The following SRMS variants were observed in gnomAD, a reference collection of about 807,000 sequenced individuals.
The protein encoded by SRMS is tyrosine-protein kinase Srms.
In SRMS, 42 loss-of-function variants were observed where a neutral mutation model predicts 43.5. The ratio of observed to expected loss-of-function variants is 0.97; its 90% CI spans 0.75 to 1.25. SRMS has a LOEUF of 1.25. Among genes scored for constraint, SRMS ranks in the 50% most tolerant of loss-of-function variants. The pLI, the probability that SRMS is intolerant of heterozygous loss-of-function variation, is 0.00. For synonymous variants in SRMS, 316 were observed against 308.2 expected, an observed-to-expected ratio of 1.03 and a Z score of -0.27; for missense variants, 703 against 681.0, an observed-to-expected ratio of 1.03 and a Z score of -0.36.
Position 63,539,289 on chromosome 20 carries a change from C to T in SRMS, c.*1529G>A, listed in dbSNP as rs536662206. The stretch of plus-strand genomic sequence containing the variant: ...CCGATGCACGGGCCCCAGGAAGCCC[C>T]CGCGCTGCCTCCGTTCTCGGAGCCT... On this transcript the variant is annotated 3_prime_UTR_variant, in exon 8 of 8. Coordinates refer to ENST00000217188, the MANE Select transcript of SRMS (RefSeq NM_080823.4). Among the ~76,000 whole-genome samples, 150 of 152,332 alleles carry T rather than the reference C, an allele frequency of 9.8e-4. No individual in the cohort carries two copies. Among genetic ancestry groups the T allele is most frequent in the African/African-American group, 3.3e-3 (139 of 41,574 alleles).
Position 63,542,554 on chromosome 20 carries a change from G to A in SRMS, c.673C>T (p.Arg225Trp), listed in dbSNP as rs142975228. ...CCAAGGGCGAATTCGGAGTGTGGCCGCTCCCACACGTCCTGCCTCGGGGCC... is the reference window on the plus strand; with the variant it reads ...CCAAGGGCGAATTCGGAGTGTGGCCACTCCCACACGTCCTGCCTCGGGGCC... ...QKAPRQDVWE[R>W]PHSEFALGRK... The change falls in exon 4 of 8, where the codon CGG becomes TGG. Residue 225 changes from arginine (R) to tryptophan (W), a missense_variant. Arg to Trp is a moderately radical substitution (Grantham distance 101). Transcript: ENST00000217188. 9.3e-6 allele frequency: 15 copies of A among 1,612,130 alleles called. No individual in the cohort carries two copies. Among genetic ancestry groups the A allele is most frequent in the Admixed American group, 5.0e-5 (3 of 59,966 alleles).
Position 63,547,259 on chromosome 20 carries a change from C to T in SRMS, c.205G>A (p.Glu69Lys). ...CTGTCCCCGCGGCGGACACTCAGCTCCCCGCCACACCGCGCCGTGAAGTCA... is the reference window on the plus strand; with the variant it reads ...CTGTCCCCGCGGCGGACACTCAGCTTCCCGCCACACCGCGCCGTGAAGTCA... ...LYDFTARCGGELSVRRGDRLC... is the reference protein window; with the variant it reads ...LYDFTARCGGKLSVRRGDRLC... The change falls in exon 1 of 8, where the codon GAG (glutamate) becomes AAG (lysine). Residue 69 changes from glutamate (E) to lysine (K), a missense_variant. Physicochemically the swap from Glu to Lys is moderately conservative, Grantham distance 56. Coordinates refer to ENST00000217188, the MANE Select transcript of SRMS (RefSeq NM_080823.4). The T allele has an allele frequency of 6.2e-7, 1 of 1,610,534 alleles. No homozygotes were observed. Among genetic ancestry groups the T allele is most frequent in the Non-Finnish European group, 8.5e-7 (1 of 1,178,556 alleles).
At chr20:63,541,111 C>T in intron 7 of SRMS, 80 bp downstream of exon 7, 1 of 1,563,308 alleles carries the variant, frequency 6.4e-7, no homozygotes, top group African/African-American at 1.4e-5. Flanking sequence ...CCTCCAACCC[C>T]TTGCCGACAG....
chr20:63,540,749 C>G lies in SRMS; in HGVS notation c.*69G>C. On this transcript the variant is annotated 3_prime_UTR_variant, in exon 8 of 8. Coordinates refer to ENST00000217188, the MANE Select transcript of SRMS (RefSeq NM_080823.4). ...TCGGTCCGGCAGACCGGCATCCCTT[C>G]GAGTTGGCGCTCTGCAGGGAGGAGG... 2.0e-6 allele frequency: 3 copies of G among 1,504,544 alleles called. No individual in the cohort carries two copies. The highest frequency in any genetic ancestry group is 2.6e-5 in the South Asian group (2 of 77,120). 93.2% of individuals were successfully genotyped at this position (1,504,544 alleles called of 1,614,324 possible).
rs2082738564 is a variant in SRMS, at chr20:63,547,300, A to C, written c.164T>G (p.Leu55Arg). The C allele has an allele frequency of 6.2e-7, 1 of 1,603,206 alleles. No homozygotes were observed. Among genetic ancestry groups the C allele is most frequent in the Non-Finnish European group, 8.5e-7 (1 of 1,173,310 alleles). The change falls in exon 1 of 8, where the codon CTC becomes CGC. Residue 55 changes from leucine to arginine, a missense_variant. By Grantham distance (102) the Leu-to-Arg change is moderately radical. Coordinates refer to ENST00000217188, the MANE Select transcript of SRMS (RefSeq NM_080823.4). ...CGTGAAGTCATAGAGCGCAAGGAAG[A>C]GCTGAGGGAAGGGGCTGCAAGGCTC... The part of the protein sequence containing the change: ...PAEPCSPFPQ[L>R]FLALYDFTAR...
At position 63,547,423 on chromosome 20, in the gene SRMS, A is replaced by G. The variant is rs765948688; in HGVS notation, c.41T>C (p.Phe14Ser). ...CGCCGGCCAGATCTTGTCCCAGAAG[A>G]AGGACAGGAAGGCCAGCCGCCTCCT... ...FLRRRLAFLS[F>S]FWDKIWPAGG... Residue 14 changes from phenylalanine to serine, a missense_variant, in exon 1 of 8, where the codon TTC (phenylalanine) becomes TCC (serine). Coordinates refer to ENST00000217188, the MANE Select transcript of SRMS (RefSeq NM_080823.4). 1.9e-6 allele frequency: 3 copies of G among 1,542,842 alleles called. No individual in the cohort carries two copies. Among genetic ancestry groups the G allele is most frequent in the African/African-American group, 1.4e-5 (1 of 72,428 alleles).
Position 63,539,414 on chromosome 20 carries a change from C to T in SRMS, c.*1404G>A, listed in dbSNP as rs1038320172. Among the ~76,000 whole-genome samples the T allele has an allele frequency of 6.6e-6, 1 of 152,242 alleles. No homozygotes were observed. The highest frequency in any genetic ancestry group is 1.5e-5 in the Non-Finnish European group (1 of 68,034). On this transcript the variant is annotated 3_prime_UTR_variant, in exon 8 of 8. Transcript: ENST00000217188. ...CCAGGCTTTGGCCGGGGCCTGTGGA[C>T]GGCAGCCATCAGCACTTCGGCTCAG...
intron 1 of SRMS, among the ~76,000 whole-genome samples, chr20:63,545,556 G>A (rs1451139677): frequency 1.3e-5 from 2 of 152,232 alleles, no homozygotes; most frequent in African/African-American, 4.8e-5. Flanking sequence ...CTGGGACTGG[G>A]CAAGACGGAG....
chr20:63,543,166 G>T, intron 3 of SRMS, 148 bp downstream of exon 3: 1 of 950,648 alleles, frequency 1.1e-6, no homozygotes. Context: ...GGAACCGCTG[G>T]GATGCTCCGA....
intron 7 of SRMS, 58 bp downstream of exon 7, chr20:63,541,113 TGCCGACAGCGTCCAGGCCCG>T: frequency 6.4e-7 from 1 of 1,560,722 alleles, no homozygotes; most frequent in East Asian, 2.3e-5. Context: ...TCCAACCCCT[TGCCGACAGCGTCCAGGCCCG>T]GGGCCAGTGA....
Position 63,544,240 on chromosome 20 carries a change from G to A in SRMS, c.465C>T (p.Gly155=). Residue 155 remains glycine (G), a synonymous_variant, in exon 2 of 8, where the codon GGC becomes GGT. Transcript: ENST00000217188. ...CGCCCCAGGTACCTGACAGTGAGTA[G>A]CCCCCGAGGCTGCTCTCGCTGGGCC... is the stretch of plus-strand genomic sequence containing the variant. ...LIRPSESSLG[G]YSLSVRAQAK... is the part of the protein sequence containing the mutation. 6.8e-7 allele frequency: 1 copy of A among 1,461,504 alleles called. No individual in the cohort carries two copies. Among genetic ancestry groups the A allele is most frequent in the Non-Finnish European group, 9.0e-7 (1 of 1,106,350 alleles). 90.5% of individuals were successfully genotyped at this position (1,461,504 alleles called of 1,614,324 possible). A position where few individuals can be genotyped will look rare whatever the true frequency, so the allele number is the denominator to read the frequency against.
rs1445751994 is a variant in SRMS, at chr20:63,540,263, G to A, written c.*555C>T. Among the ~76,000 whole-genome samples the A allele has an allele frequency of 1.3e-5, 2 of 152,210 alleles. No individual in the cohort carries two copies. The highest frequency in any genetic ancestry group is 2.9e-5 in the Non-Finnish European group (2 of 68,036). On this transcript the variant is annotated 3_prime_UTR_variant, in exon 8 of 8. Coordinates refer to ENST00000217188, the MANE Select transcript of SRMS (RefSeq NM_080823.4). ...TGCCTACATACCACACATCCAGTGG[G>A]GTCAACACCACGGTCTGCCTGGGAG...
chr20:63,542,203 C>G lies in SRMS; in HGVS notation c.906G>C (p.Thr302=). 1 of 1,612,226 alleles carries G rather than the reference C, an allele frequency of 6.2e-7. No individual in the cohort carries two copies. Among genetic ancestry groups the G allele is most frequent in the East Asian group, 2.2e-5 (1 of 44,838 alleles). The part of the protein sequence containing the change: ...CSGGEPVYIV[T]ELMRKGNLQA... ...GCAGGTTCCCCTTGCGCATGAGTTC[C>G]GTGACGATGTACACAGGCTCCCCGC... The change falls in exon 5 of 8, where the codon ACG becomes ACC. Residue 302 remains threonine, a synonymous_variant. Transcript: ENST00000217188.
Position 63,540,916 on chromosome 20 carries a change from C to G in SRMS, c.1369G>C (p.Val457Leu). 6.2e-7 allele frequency: 1 copy of G among 1,606,438 alleles called. No individual in the cohort carries two copies. The highest frequency in any genetic ancestry group is 8.5e-7 in the Non-Finnish European group (1 of 1,179,576). Residue 457 changes from valine to leucine, a missense_variant, in exon 8 of 8, where the codon GTG (valine) becomes CTG (leucine). By Grantham distance (32) the Val-to-Leu change is conservative. Coordinates refer to ENST00000217188, the MANE Select transcript of SRMS (RefSeq NM_080823.4). The stretch of plus-strand genomic sequence containing the variant: ...CTCCTCCAGCACTCCAGCATGAGCA[C>G]GTAGACCTCCGCCGGGCAGGCAGCC... ...RPAACPAEVY[V>L]LMLECWRSSP...
chr20:63,541,952 C>T (rs758575511), intron 5 of SRMS, among the ~76,000 whole-genome samples: 30 of 152,350 alleles, frequency 2.0e-4, no homozygotes, highest in Admixed American at 9.1e-4. Context: ...GCTCCAGCCC[C>T]GGAGCCACAA....
rs1406650878 is a variant in SRMS, at chr20:63,538,827, G to C, written c.*1991C>G. On this transcript the variant is annotated 3_prime_UTR_variant, in exon 8 of 8. Transcript: ENST00000217188. ...CGTGAGTCTATGTCCAGGAAGCCTC[G>C]AGTATCCCTGAGTTCGGACGTGCAG... Among the ~76,000 whole-genome samples the C allele has an allele frequency of 6.6e-6, 1 of 152,246 alleles. No individual in the cohort carries two copies. Among genetic ancestry groups the C allele is most frequent in the East Asian group, 1.9e-4 (1 of 5,170 alleles).
In SRMS at chr20:63,542,201, T is replaced by C; in HGVS notation, c.908A>G (p.Glu303Gly). Residue 303 changes from glutamate to glycine, a missense_variant, in exon 5 of 8, where the codon GAA becomes GGA. By Grantham distance (98) the Glu-to-Gly change is moderately conservative (BLOSUM62 -2). Coordinates refer to ENST00000217188, the MANE Select transcript of SRMS (RefSeq NM_080823.4). Reference sequence around the variant, plus strand: ...CTGCAGGTTCCCCTTGCGCATGAGTTCCGTGACGATGTACACAGGCTCCCC... The same window carrying C: ...CTGCAGGTTCCCCTTGCGCATGAGTCCCGTGACGATGTACACAGGCTCCCC... ...SGGEPVYIVTELMRKGNLQAF... is the reference protein window; with the variant it reads ...SGGEPVYIVTGLMRKGNLQAF... 1 of 1,612,182 alleles carries C rather than the reference T, an allele frequency of 6.2e-7. No individual in the cohort carries two copies. Among genetic ancestry groups the C allele is most frequent in the South Asian group, 1.1e-5 (1 of 91,058 alleles).
At chr20:63,541,801 C>A (rs540869760) in intron 5 of SRMS, among the ~76,000 whole-genome samples, 181 bp from the exon 6 acceptor site, 7 of 152,374 alleles carry the variant, frequency 4.6e-5, no homozygotes, top group Admixed American at 2.0e-4. Context: ...CCTGTACTCA[C>A]CACAGTGACC....
chr20:63,547,479 C>T lies in SRMS; in HGVS notation c.-16G>A, dbSNP rs1235528874. The T allele has an allele frequency of 1.6e-5, 23 of 1,464,090 alleles. No individual in the cohort carries two copies. The highest frequency in any genetic ancestry group is 1.8e-5 in the Non-Finnish European group (20 of 1,105,200). The allele number at this position is 1,464,090 out of a possible 1,614,324, so 90.7% of individuals were successfully genotyped here. On this transcript the variant is annotated 5_prime_UTR_variant, in exon 1 of 8. It adds an upstream start codon to the 5' untranslated region. Transcript: ENST00000217188. ...ACGGCTCCATCCCCCGGGGTCACCA[C>T]GCTGGGCCCGAGGGCCATGGGAGCC...
Sources: gnomAD v4.1 joint callset for allele counts (sites outside exome capture counted in the v4.1 genomes callset) on GRCh38, gnomAD v4.1.1 for gene constraint, MANE v1.5 for transcripts, NCBI Gene and HGNC (gene_info 2026-07-23, HGNC 2026-07-21) for gene names.